The following SCHIP1 variants were observed in gnomAD, a reference collection of about 807,000 sequenced individuals.
The protein encoded by SCHIP1 is schwannomin interacting protein 1.
Under a neutral mutation model 29.7 loss-of-function variants are expected in SCHIP1, and 8 were observed. The observed-to-expected ratio is 0.27, with a 90% confidence interval of 0.16 to 0.49. The LOEUF (loss-of-function observed/expected upper bound fraction) is 0.49. Ranked by LOEUF, SCHIP1 falls within the 20% of genes least tolerant of loss-of-function variation. The pLI is 0.99. For missense variants in SCHIP1, 193 were observed against 294.6 expected (o/e 0.66, Z 2.52); for synonymous variants, 76 against 94.9 (o/e 0.80, Z 1.16).
At chr3:159,671,967 T>A in the SCHIP1 span, among the ~76,000 whole-genome samples, 1 of 152,204 alleles carries the variant, frequency 6.6e-6, no homozygotes, top group Non-Finnish European at 1.5e-5. Context: ...CTAAAAAGAA[T>A]GTGTGATCAT....
chr3:159,786,578 G>C, the SCHIP1 span, among the ~76,000 whole-genome samples: 1 of 152,118 alleles, frequency 6.6e-6, no homozygotes, highest in Non-Finnish European at 1.5e-5. Context: ...TCGTGCTGCT[G>C]AAACTGAAAT....
chr3:159,761,368 G>C, the SCHIP1 span, among the ~76,000 whole-genome samples: 1 of 152,208 alleles, frequency 6.6e-6, no homozygotes, highest in African/African-American at 2.4e-5. Flanking sequence ...GAGCACAAAG[G>C]TGCTTATCCC....
the SCHIP1 span, among the ~76,000 whole-genome samples, chr3:159,552,894 T>C: frequency 1.3e-5 from 2 of 152,204 alleles, no homozygotes; most frequent in African/African-American, 4.8e-5. Flanking sequence ...TGTTGGACTT[T>C]CAGCCATGCC....
the SCHIP1 span, among the ~76,000 whole-genome samples, chr3:159,766,069 G>A: frequency 3.8e-3 from 577 of 152,316 alleles, 2 homozygotes; most frequent in African/African-American, 0.012. Context: ...CCCCTGTTTA[G>A]CACTGCTTTG....
the SCHIP1 span, among the ~76,000 whole-genome samples, chr3:159,685,269 T>G: frequency 4.6e-5 from 7 of 152,226 alleles, no homozygotes; most frequent in Admixed American, 3.9e-4. Flanking sequence ...CCCATAGGAC[T>G]TATTAAAGTA....
At chr3:159,533,699 G>GA in the SCHIP1 span, among the ~76,000 whole-genome samples, 161 of 152,232 alleles carry the variant, frequency 1.1e-3, no homozygotes, top group African/African-American at 3.6e-3. Context: ...TAGTTCCAAG[G>GA]AAACATCCAA....
the SCHIP1 span, among the ~76,000 whole-genome samples, chr3:159,383,629 T>C: frequency 7.9e-6 from 1 of 125,944 alleles, no homozygotes; most frequent in Non-Finnish European, 1.8e-5. Flanking sequence ...AAGTAGTTTT[T>C]TCCAATTCTG....
At chr3:159,311,038 GC>G in the SCHIP1 span, among the ~76,000 whole-genome samples, 1 of 152,006 alleles carries the variant, frequency 6.6e-6, no homozygotes, top group Non-Finnish European at 1.5e-5. Flanking sequence ...ATTTTATAAT[GC>G]CATCTTTACT....
intron 3 of SCHIP1, chr3:159,887,357 A>C: frequency 4.1e-6 from 1 of 245,248 alleles, no homozygotes. Flanking sequence ...GATACATGAG[A>C]TCCTGTCCAC....
At chr3:159,750,899 A>C in the SCHIP1 span, among the ~76,000 whole-genome samples, 2 of 85,468 alleles carry the variant, frequency 2.3e-5, no homozygotes, top group Non-Finnish European at 5.7e-5. Flanking sequence ...TTTTCCAAAC[A>C]AACAAAAAAA....
the SCHIP1 span, among the ~76,000 whole-genome samples, chr3:159,814,367 T>G: frequency 3.3e-3 from 499 of 152,326 alleles, 5 homozygotes; most frequent in African/African-American, 0.01. Flanking sequence ...CAGAGCACTC[T>G]GAATAAACTT....
the SCHIP1 span, among the ~76,000 whole-genome samples, chr3:159,535,745 T>A: frequency 6.6e-6 from 1 of 152,226 alleles, no homozygotes; most frequent in Admixed American, 6.5e-5. Flanking sequence ...CAGCAAACAT[T>A]GTCTACCAAA....
At chr3:159,772,170 T>C in the SCHIP1 span, among the ~76,000 whole-genome samples, 1 of 152,206 alleles carries the variant, frequency 6.6e-6, no homozygotes, top group South Asian at 2.1e-4. Flanking sequence ...TACTTTTTTT[T>C]CAGACAGTCT....
the SCHIP1 span, among the ~76,000 whole-genome samples, chr3:159,508,302 C>A: frequency 6.6e-6 from 1 of 152,188 alleles, no homozygotes; most frequent in Non-Finnish European, 1.5e-5. Context: ...TCTGTGGGAT[C>A]AGTGGTGATA....
chr3:159,424,044 C>A, the SCHIP1 span, among the ~76,000 whole-genome samples: 1 of 124,552 alleles, frequency 8.0e-6, no homozygotes, highest in Non-Finnish European at 1.8e-5. Flanking sequence ...GACATCCACA[C>A]CAAAAACCCA....
chr3:159,497,017 A>T, the SCHIP1 span, among the ~76,000 whole-genome samples: 6 of 152,294 alleles, frequency 3.9e-5, no homozygotes, highest in African/African-American at 1.4e-4. Flanking sequence ...AAAAAGCCAA[A>T]CACCACATGT....
intron 2 of SCHIP1, among the ~76,000 whole-genome samples, chr3:159,869,386 T>C (rs1675500): frequency 0.054 from 8,176 of 152,018 alleles, 294 homozygotes; most frequent in Non-Finnish European, 0.077. Flanking sequence ...TTTTTAAAAG[T>C]CTGCAATCAG....
At chr3:159,691,416 C>CTT in the SCHIP1 span, among the ~76,000 whole-genome samples, 71 of 106,672 alleles carry the variant, frequency 6.7e-4, no homozygotes, top group Middle Eastern at 5.4e-3. Context: ...GCAACCCCTG[C>CTT]TTTTTTTTTT....
At chr3:159,872,967 G>A (rs1715430967) in intron 2 of SCHIP1, among the ~76,000 whole-genome samples, 1 of 152,110 alleles carries the variant, frequency 6.6e-6, no homozygotes, top group Non-Finnish European at 1.5e-5. Context: ...CACCAGTATG[G>A]TACTCCAAAA....
Sources: allele counts gnomAD v4.1 joint callset (sites outside exome capture counted in the v4.1 genomes callset), GRCh38; gene constraint gnomAD v4.1.1; transcripts MANE v1.5; gene names NCBI Gene and HGNC (gene_info 2026-07-23, HGNC 2026-07-21).